The following SEMA4D variants were observed in gnomAD, a reference collection of about 807,000 sequenced individuals.
The protein encoded by SEMA4D is semaphorin 4D, also known as semaphorin-4D.
In SEMA4D, 22 loss-of-function variants were observed where a neutral mutation model predicts 74.8. That is an observed-to-expected ratio of 0.29 (90% CI 0.21 to 0.42). The LOEUF (loss-of-function observed/expected upper bound fraction) is 0.42. Ranked by LOEUF, SEMA4D falls within the 10% of genes least tolerant of loss-of-function variation. The pLI, the probability that SEMA4D is intolerant of heterozygous loss-of-function variation, is 1.00. For missense variants in SEMA4D, 937 were observed against 1,118.4 expected, an observed-to-expected ratio of 0.84 and a Z score of 2.31; for synonymous variants, 445 against 463.7, an observed-to-expected ratio of 0.96 and a Z score of 0.52.
At chr9:89,468,696 C>T (rs1859380362) in intron 1 of SEMA4D, among the ~76,000 whole-genome samples, 1 of 152,164 alleles carries the variant, frequency 6.6e-6, no homozygotes, top group African/African-American at 2.4e-5. Flanking sequence ...TCTCATCCCC[C>T]CTCTAAGTGG....
chr9:89,443,937 G>A (rs1029514875), intron 2 of SEMA4D, among the ~76,000 whole-genome samples: 7 of 152,260 alleles, frequency 4.6e-5, no homozygotes, highest in African/African-American at 1.7e-4. Context: ...CCCTGGGCCA[G>A]GCACAGGCAC....
chr9:89,426,333 A>C (rs759184784), intron 2 of SEMA4D, among the ~76,000 whole-genome samples: 5 of 152,218 alleles, frequency 3.3e-5, no homozygotes, highest in Non-Finnish European at 7.3e-5. Context: ...ATCTTTAGTG[A>C]TTCTTTAAAT....
At chr9:89,411,462 G>C (rs1462748417) in intron 2 of SEMA4D, among the ~76,000 whole-genome samples, 1 of 152,152 alleles carries the variant, frequency 6.6e-6, no homozygotes, top group Admixed American at 6.5e-5. Context: ...AGATGGGAAA[G>C]TCAGGAAATG....
intron 2 of SEMA4D, chr9:89,449,739 G>T (rs1222220281): frequency 6.6e-7 from 1 of 1,518,996 alleles, no homozygotes; most frequent in East Asian, 2.3e-5. Flanking sequence ...GCAAGAAACA[G>T]GGAAAATCTT....
At chr9:89,437,491 C>T (rs564215001) in intron 2 of SEMA4D, among the ~76,000 whole-genome samples, 1 of 152,210 alleles carries the variant, frequency 6.6e-6, no homozygotes, top group South Asian at 2.1e-4. Flanking sequence ...TCTGCACCCA[C>T]CCCCACCCAG....
At chr9:89,467,756 T>C (rs1000076122) in intron 1 of SEMA4D, among the ~76,000 whole-genome samples, 3 of 152,156 alleles carry the variant, frequency 2.0e-5, no homozygotes, top group Non-Finnish European at 4.4e-5. Context: ...GGTCTTGAAC[T>C]TCTGACCTTG....
At chr9:89,425,175 C>A (rs185991680) in intron 2 of SEMA4D, among the ~76,000 whole-genome samples, 10 of 152,300 alleles carry the variant, frequency 6.6e-5, no homozygotes, top group African/African-American at 2.4e-4. Flanking sequence ...CTGCATCCAC[C>A]AGATTTCCTG....
chr9:89,477,975 G>A (rs904369072), intron 1 of SEMA4D, among the ~76,000 whole-genome samples: 3 of 152,172 alleles, frequency 2.0e-5, no homozygotes, highest in Non-Finnish European at 2.9e-5. Flanking sequence ...GTTATTTTAC[G>A]AAGCAGAGAG....
rs1173739371 is a variant in SEMA4D, at chr9:89,392,440, G to A, written c.605C>T (p.Ala202Val). The change falls in exon 8 of 16, where the codon GCA becomes GTA. Residue 202 changes from alanine to valine, a missense_variant. Physicochemically the swap from Ala to Val is moderately conservative, Grantham distance 64. Transcript: ENST00000422704. ...SSHSPLRTEY[A>V]IPWLNEPSFV... Reference sequence around the variant, plus strand: ...TTCCTTACCGTTCAGCCAAGGGATTGCATATTCTGTCCTCAGAGGACTGTG... The same window carrying A: ...TTCCTTACCGTTCAGCCAAGGGATTACATATTCTGTCCTCAGAGGACTGTG... 3.1e-6 allele frequency: 5 copies of A among 1,612,594 alleles called. No individual in the cohort carries two copies. The highest frequency in any genetic ancestry group is 1.1e-5 in the South Asian group (1 of 91,048).
chr9:89,476,690 C>A (rs11265911), intron 1 of SEMA4D, among the ~76,000 whole-genome samples: 5,002 of 152,284 alleles, frequency 0.033, 301 homozygotes, highest in African/African-American at 0.11. Context: ...CACGCATACA[C>A]ATGCACACAC....
intron 1 of SEMA4D, among the ~76,000 whole-genome samples, chr9:89,456,278 A>G (rs903551630): frequency 4.6e-5 from 7 of 152,238 alleles, no homozygotes; most frequent in Non-Finnish European, 1.0e-4. Context: ...TCCTTGGCTC[A>G]GCACACAATC....
chr9:89,373,547 G>C (rs1393492517), downstream of SEMA4D, among the ~76,000 whole-genome samples: 1 of 152,214 alleles, frequency 6.6e-6, no homozygotes, highest in Non-Finnish European at 1.5e-5. Context: ...ACAGGCACCA[G>C]GACGCAGCAT....
chr9:89,429,001 G>T (rs528470554), intron 2 of SEMA4D, among the ~76,000 whole-genome samples: 1 of 147,304 alleles, frequency 6.8e-6, no homozygotes, highest in African/African-American at 2.5e-5. Flanking sequence ...AGGTCCCTGT[G>T]GGGGGGGTCT....
At chr9:89,400,079 T>G (rs1243208415) in intron 4 of SEMA4D, among the ~76,000 whole-genome samples, 1 of 150,416 alleles carries the variant, frequency 6.6e-6, no homozygotes, top group African/African-American at 2.4e-5. Context: ...ATATTCACTG[T>G]ATCAGTAGAA....
intron 6 of SEMA4D, among the ~76,000 whole-genome samples, chr9:89,393,992 G>C (rs1840385613): frequency 6.6e-6 from 1 of 152,244 alleles, no homozygotes; most frequent in African/African-American, 2.4e-5. Flanking sequence ...CACAGGACGT[G>C]CTCAGTATGT....
chr9:89,405,561 C>G lies in SEMA4D; in HGVS notation c.-105G>C. On this transcript the variant is annotated 5_prime_UTR_variant, in exon 3 of 16. Transcript: ENST00000422704. Reference sequence around the variant, plus strand: ...CGGCTCAGCGCCCCAGGACCAGGGCCAGCAGCACAGCCTGGAGCTCGTGAA... The same window carrying G: ...CGGCTCAGCGCCCCAGGACCAGGGCGAGCAGCACAGCCTGGAGCTCGTGAA... 1 of 1,523,094 alleles carries G rather than the reference C, an allele frequency of 6.6e-7. No homozygotes were observed. The highest frequency in any genetic ancestry group is 8.8e-7 in the Non-Finnish European group (1 of 1,139,426). 94.3% of individuals were successfully genotyped at this position (1,523,094 alleles called of 1,614,324 possible).
At chr9:89,362,244 T>C (rs1832813488) in exon 19 of SEMA4D, 13 of 1,271,352 alleles carry the variant, frequency 1.0e-5, no homozygotes, top group Non-Finnish European at 1.5e-5. Flanking sequence ...GTCCCGCCTC[T>C]GCCCATCAGG....
chr9:89,445,873 C>CA (rs969211684), intron 2 of SEMA4D, among the ~76,000 whole-genome samples: 5 of 152,224 alleles, frequency 3.3e-5, no homozygotes, highest in African/African-American at 9.6e-5. Context: ...CCCATGCTCC[C>CA]AGCCTCTGCG....
intron 2 of SEMA4D, among the ~76,000 whole-genome samples, chr9:89,455,170 G>A (rs1324716975): frequency 1.3e-5 from 2 of 152,250 alleles, no homozygotes; most frequent in African/African-American, 2.4e-5. Context: ...GGGCTGCCAT[G>A]ACATGCGGAC....
Sources: allele counts gnomAD v4.1 joint callset (sites outside exome capture counted in the v4.1 genomes callset), GRCh38; gene constraint gnomAD v4.1.1; transcripts MANE v1.5; gene names NCBI Gene and HGNC (gene_info 2026-07-23, HGNC 2026-07-21).